Variants in ASH1L observed in about 807,000 individuals in gnomAD.
ASH1L encodes histone-lysine N-methyltransferase ASH1L.
A neutral mutation model predicts 269.0 loss-of-function variants in ASH1L; 23 were observed. The observed-to-expected ratio is 0.09, with a 90% CI of 0.06 to 0.12. ASH1L has a LOEUF of 0.12. Ranked by LOEUF, ASH1L falls within the 10% of genes least tolerant of loss-of-function variation. ASH1L has a pLI of 1.00. For missense variants in ASH1L, 2,912 were observed against 3,567.8 expected (o/e 0.82, Z 4.68); for synonymous variants, 1,187 against 1,253.5 (o/e 0.95, Z 1.12).
intron 2 of ASH1L, among the ~76,000 whole-genome samples, chr1:155,507,340 TA>T (rs1192283959): frequency 6.6e-6 from 1 of 152,192 alleles, no homozygotes; most frequent in African/African-American, 2.4e-5. Flanking sequence ...AACTGCTTCT[TA>T]AATCTATTAA....
intron 4 of ASH1L, among the ~76,000 whole-genome samples, chr1:155,452,485 T>A (rs1428295225): frequency 2.6e-5 from 4 of 152,310 alleles, no homozygotes. Flanking sequence ...AATCCTGTTT[T>A]AAATCATTAC....
chr1:155,459,680 A>G (rs1159625048), intron 4 of ASH1L, 117 bp downstream of exon 4: 11 of 789,310 alleles, frequency 1.4e-5, no homozygotes, highest in Non-Finnish European at 2.0e-5. Flanking sequence ...GAATGGAAAA[A>G]TAAAATACCA....
chr1:155,516,903 A>G (rs1296376132), intron 2 of ASH1L, among the ~76,000 whole-genome samples: 1 of 152,208 alleles, frequency 6.6e-6, no homozygotes, highest in African/African-American at 2.4e-5. Context: ...TAAGGAGGTG[A>G]AAGGCTTGAA....
In ASH1L at chr1:155,562,437, G is replaced by T; in HGVS notation, c.-384C>A. On this transcript the variant is annotated 5_prime_UTR_variant, in exon 1 of 28. Transcript: ENST00000392403. ...AAATGGCGGCGGGAGCGGCGGCGGC[G>T]GCGGCGGCAGCAGCAGAGTGGCGGC... 4 of 1,470,948 alleles carry T rather than the reference G, an allele frequency of 2.7e-6. No homozygotes were observed. Among genetic ancestry groups the T allele is most frequent in the Non-Finnish European group, 3.7e-6 (4 of 1,085,764 alleles). 91.1% of individuals were successfully genotyped at this position (1,470,948 alleles called of 1,614,324 possible). A position where few individuals can be genotyped will look rare whatever the true frequency, so the allele number is the denominator to read the frequency against.
intron 2 of ASH1L, among the ~76,000 whole-genome samples, chr1:155,502,075 T>TC (rs1476888151): frequency 3.4e-5 from 5 of 148,322 alleles, no homozygotes; most frequent in African/African-American, 7.4e-5. Flanking sequence ...TCTTTTCTTT[T>TC]TTTTTTTTTT....
In ASH1L at chr1:155,481,693, C is replaced by G; in HGVS notation, c.1177G>C (p.Ala393Pro). Reference sequence around the variant, plus strand: ...TTAACCAATCCCATTGCTGAACTTGCTACAATCTTCTTTGCACAGTCCTTG... The same window carrying G: ...TTAACCAATCCCATTGCTGAACTTGGTACAATCTTCTTTGCACAGTCCTTG... ...VAKDCAKKIV[A>P]SSAMGLVNKD... Residue 393 changes from alanine to proline, a missense_variant, in exon 3 of 28, where the codon GCA becomes CCA. This residue lies in a region of ASH1L where 277 missense variants were observed against 367.7 expected (regional missense o/e 0.75). Transcript: ENST00000392403. The G allele has an allele frequency of 6.2e-7, 1 of 1,614,154 alleles. No homozygotes were observed. Among genetic ancestry groups the G allele is most frequent in the South Asian group, 1.1e-5 (1 of 91,090 alleles).
At chr1:155,536,674 AG>A (rs2148880005) in intron 1 of ASH1L, among the ~76,000 whole-genome samples, 1 of 152,280 alleles carries the variant, frequency 6.6e-6, no homozygotes, top group Non-Finnish European at 1.5e-5. Flanking sequence ...TCAAGGCTGC[AG>A]TGAGCTATGA....
intron 12 of ASH1L, among the ~76,000 whole-genome samples, chr1:155,366,013 TC>T (rs1655390999): frequency 6.6e-6 from 1 of 152,132 alleles, no homozygotes; most frequent in Non-Finnish European, 1.5e-5. Flanking sequence ...CCAGAGCGAC[TC>T]CATCTTGTAT....
chr1:155,513,860 G>C (rs1415382444), intron 2 of ASH1L, among the ~76,000 whole-genome samples: 1 of 152,062 alleles, frequency 6.6e-6, no homozygotes, highest in Non-Finnish European at 1.5e-5. Context: ...GAAATTAATA[G>C]TTGACAATCA....
At chr1:155,415,198 A>G (rs1660105034) in intron 6 of ASH1L, among the ~76,000 whole-genome samples, 1 of 152,026 alleles carries the variant, frequency 6.6e-6, no homozygotes. Flanking sequence ...CCTGGCTAAC[A>G]TGGTGAAACC....
intron 2 of ASH1L, among the ~76,000 whole-genome samples, chr1:155,484,671 G>A (rs1039312698): frequency 1.3e-5 from 2 of 151,752 alleles, no homozygotes; most frequent in Admixed American, 1.3e-4. Flanking sequence ...GCTCATGCCT[G>A]TAATCCCACC....
intron 2 of ASH1L, among the ~76,000 whole-genome samples, chr1:155,517,474 C>T (rs1668569061): frequency 6.6e-6 from 1 of 151,972 alleles, no homozygotes; most frequent in South Asian, 2.1e-4. Flanking sequence ...ACTAAAAGTA[C>T]AAAAACTAGC....
intron 1 of ASH1L, among the ~76,000 whole-genome samples, chr1:155,526,004 T>A (rs1009620118): frequency 2.0e-5 from 3 of 152,188 alleles, no homozygotes; most frequent in African/African-American, 7.2e-5. Flanking sequence ...TGTATAATTT[T>A]TTATTATTGT....
At chr1:155,505,303 T>C (rs1416429409) in intron 2 of ASH1L, among the ~76,000 whole-genome samples, 1 of 152,224 alleles carries the variant, frequency 6.6e-6, no homozygotes, top group Non-Finnish European at 1.5e-5. Flanking sequence ...ATTTTAAGCA[T>C]GAGCCCTTCT....
chr1:155,459,339 G>A (rs1165244999), intron 4 of ASH1L, among the ~76,000 whole-genome samples: 1 of 152,010 alleles, frequency 6.6e-6, no homozygotes, highest in South Asian at 2.1e-4. Context: ...GGGATTACAG[G>A]TGCACGCCAC....
chr1:155,434,709 C>T lies in ASH1L; in HGVS notation c.5828+3618G>A, dbSNP rs552625885. On this transcript the variant is annotated intron_variant, in intron 5 of 27. Transcript: ENST00000392403. ...CTACTAAAAATACAAAAAAATTAGC[C>T]AGGCATGGTGGTGTGGTGGTGTGCG... 1.0e-3 allele frequency among the ~76,000 whole-genome samples: 157 copies of T among 151,840 alleles called. 1 individual carries two copies. Among genetic ancestry groups the T allele is most frequent in the Middle Eastern group, 3.4e-3 (1 of 290 alleles).
chr1:155,543,032 T>C (rs1020317460), intron 1 of ASH1L, among the ~76,000 whole-genome samples: 3 of 152,032 alleles, frequency 2.0e-5, no homozygotes, highest in Admixed American at 2.0e-4. Context: ...CGGCACTGTG[T>C]GGCTGCTGGG....
chr1:155,525,593 C>T (rs1189111339), intron 1 of ASH1L, among the ~76,000 whole-genome samples: 1 of 151,164 alleles, frequency 6.6e-6, no homozygotes, highest in Non-Finnish European at 1.5e-5. Flanking sequence ...ACGTGTAACA[C>T]TTGCAGGGAA....
At chr1:155,408,950 A>G (rs1464378059) in intron 6 of ASH1L, among the ~76,000 whole-genome samples, 2 of 145,412 alleles carry the variant, frequency 1.4e-5, no homozygotes, top group Non-Finnish European at 2.9e-5. Context: ...GTTTACGGAG[A>G]AAAAAAAAGA....
Sources: gnomAD v4.1 joint callset for allele counts (sites outside exome capture counted in the v4.1 genomes callset) on GRCh38, gnomAD v4.1.1 for gene constraint, gnomAD v4.1.1 regional missense constraint, MANE v1.5 for transcripts, NCBI Gene and HGNC (gene_info 2026-07-23, HGNC 2026-07-21) for gene names.